The following DCC variants were observed in gnomAD, a reference collection of about 807,000 sequenced individuals.
DCC encodes DCC netrin 1 receptor.
Under a neutral mutation model 172.5 loss-of-function variants are expected in DCC, and 58 were observed. The observed-to-expected ratio is 0.34, with a 90% CI of 0.27 to 0.42. DCC has a LOEUF of 0.42. Ranked by LOEUF, DCC falls within the 10% of genes least tolerant of loss-of-function variation. The pLI is 1.00. For missense variants in DCC, 1,740 were observed against 1,791.0 expected (o/e 0.97, Z 0.51); for synonymous variants, 709 against 644.5 (o/e 1.10, Z -1.52).
intron 27 of DCC, among the ~76,000 whole-genome samples, chr18:53,520,716 A>T (rs183600904): frequency 6.6e-6 from 1 of 152,050 alleles, no homozygotes; most frequent in Non-Finnish European, 1.5e-5. Context: ...ACAACCAGGA[A>T]CATGGTGTCT....
At chr18:52,557,940 C>T (rs565694164) in intron 1 of DCC, among the ~76,000 whole-genome samples, 31 of 152,280 alleles carry the variant, frequency 2.0e-4, no homozygotes, top group Admixed American at 7.8e-4. Context: ...AGATTACAAA[C>T]GTGAGCCACA....
chr18:52,637,480 A>AT (rs551147776), intron 1 of DCC, among the ~76,000 whole-genome samples: 320 of 152,300 alleles, frequency 2.1e-3, no homozygotes, highest in African/African-American at 7.4e-3. Flanking sequence ...AAAATAAAGA[A>AT]TTTAGGAAAC....
intron 1 of DCC, among the ~76,000 whole-genome samples, chr18:52,686,619 A>G (rs1051872383): frequency 1.3e-5 from 2 of 152,156 alleles, no homozygotes; most frequent in African/African-American, 2.4e-5. Flanking sequence ...CATTAGATCC[A>G]CAAATTATTA....
rs372397512 is a variant in DCC, at chr18:52,589,312, C to A, written c.92-162742C>A. Among the ~76,000 whole-genome samples the A allele has an allele frequency of 1.9e-3, 286 of 152,188 alleles. 1 individual carries two copies. Among genetic ancestry groups the A allele is most frequent in the African/African-American group, 6.7e-3 (278 of 41,518 alleles). On this transcript the variant is annotated intron_variant, in intron 1 of 28. Coordinates refer to ENST00000442544, the MANE Select transcript of DCC (RefSeq NM_005215.4). ...GATTCTGCTAAGCAAAAAAGAAATT[C>A]CAGAAATGAAATGGTCACAGAAACT...
intron 5 of DCC, among the ~76,000 whole-genome samples, chr18:52,937,980 G>A (rs1009210703): frequency 1.3e-5 from 2 of 152,136 alleles, no homozygotes; most frequent in Non-Finnish European, 2.9e-5. Context: ...TAGACCCGGT[G>A]AAATAGTCCA....
intron 6 of DCC, among the ~76,000 whole-genome samples, chr18:53,065,232 A>G (rs2042549079): frequency 6.6e-6 from 1 of 152,190 alleles, no homozygotes; most frequent in Non-Finnish European, 1.5e-5. Context: ...AGAATTCCCC[A>G]TGAGGTAATA....
chr18:53,255,000 C>G (rs552116161), intron 12 of DCC, among the ~76,000 whole-genome samples: 2 of 152,070 alleles, frequency 1.3e-5, no homozygotes, highest in South Asian at 2.1e-4. Flanking sequence ...CCCAGTTGTT[C>G]AGGTAACTGC....
chr18:52,510,283 TG>T (rs1410193895), intron 1 of DCC, among the ~76,000 whole-genome samples: 6 of 152,208 alleles, frequency 3.9e-5, no homozygotes, highest in African/African-American at 1.4e-4. Flanking sequence ...TGTCATTCAT[TG>T]GCTAGCACTC....
intron 5 of DCC, among the ~76,000 whole-genome samples, chr18:53,015,801 G>A (rs1290295472): frequency 6.6e-6 from 1 of 152,008 alleles, no homozygotes; most frequent in Non-Finnish European, 1.5e-5. Context: ...TGAATTTTGA[G>A]TAAACTTATG....
chr18:53,339,563 A>G, intron 14 of DCC, 150 bp from the exon 15 acceptor site: 1 of 706,146 alleles, frequency 1.4e-6, no homozygotes, highest in South Asian at 1.6e-5. Context: ...TAGAAAATAT[A>G]TCATATGCTA....
At chr18:53,006,211 C>T (rs1302196599) in intron 5 of DCC, among the ~76,000 whole-genome samples, 1 of 152,248 alleles carries the variant, frequency 6.6e-6, no homozygotes, top group South Asian at 2.1e-4. Flanking sequence ...TGTCTCATGA[C>T]AAACAAATAG....
chr18:53,170,289 C>T (rs2054992170), intron 8 of DCC, among the ~76,000 whole-genome samples: 1 of 152,156 alleles, frequency 6.6e-6, no homozygotes, highest in Non-Finnish European at 1.5e-5. Context: ...CTCAGTGTCC[C>T]TCAGAGAGCA....
chr18:53,051,758 C>G (rs189329750), intron 5 of DCC, among the ~76,000 whole-genome samples: 237 of 152,086 alleles, frequency 1.6e-3, no homozygotes, highest in African/African-American at 5.2e-3. Context: ...AAATAATTTA[C>G]TCTTCATCTT....
At chr18:52,963,231 A>C (rs1020157103) in intron 5 of DCC, among the ~76,000 whole-genome samples, 2 of 151,912 alleles carry the variant, frequency 1.3e-5, no homozygotes, top group African/African-American at 4.8e-5. Flanking sequence ...AAAAATTTTT[A>C]TCTAAAGATC....
At chr18:52,689,985 T>C (rs1040924497) in intron 1 of DCC, among the ~76,000 whole-genome samples, 3 of 152,070 alleles carry the variant, frequency 2.0e-5, no homozygotes, top group Non-Finnish European at 2.9e-5. Flanking sequence ...GAGTGGAAAG[T>C]GTATTAAAGA....
At position 52,839,932 on chromosome 18, in the gene DCC, T is replaced by C. The variant is rs1334766937; in HGVS notation, c.413-66112T>C. ...GCAGATACCTTTAAATAAAACATAGTTCACTTCTTCCCACTACAGGCCAAT... is the reference window on the plus strand; with the variant it reads ...GCAGATACCTTTAAATAAAACATAGCTCACTTCTTCCCACTACAGGCCAAT... On this transcript the variant is annotated intron_variant, in intron 2 of 28. Coordinates refer to ENST00000442544, the MANE Select transcript of DCC (RefSeq NM_005215.4). 2.0e-5 allele frequency among the ~76,000 whole-genome samples: 3 copies of C among 152,234 alleles called. No homozygotes were observed. The East Asian group carries it at 5.8e-4, about 29-fold the overall frequency.
chr18:52,583,844 C>T (rs774989640), intron 1 of DCC, among the ~76,000 whole-genome samples: 2 of 152,188 alleles, frequency 1.3e-5, no homozygotes, highest in Non-Finnish European at 2.9e-5. Flanking sequence ...AAATATAACT[C>T]ACTTTATATA....
intron 1 of DCC, among the ~76,000 whole-genome samples, chr18:52,658,424 T>A (rs972872287): frequency 6.6e-6 from 1 of 152,204 alleles, no homozygotes; most frequent in African/African-American, 2.4e-5. Flanking sequence ...AAACTTTTAA[T>A]CTAAATAACC....
At chr18:53,439,251 A>G (rs1373105534) in intron 22 of DCC, among the ~76,000 whole-genome samples, 2 of 152,226 alleles carry the variant, frequency 1.3e-5, no homozygotes, top group African/African-American at 2.4e-5. Context: ...CAGATTTCTA[A>G]TTAAATTTTT....
Sources: gnomAD v4.1 joint callset for allele counts (sites outside exome capture counted in the v4.1 genomes callset) on GRCh38, gnomAD v4.1.1 for gene constraint, MANE v1.5 for transcripts, NCBI Gene and HGNC (gene_info 2026-07-23, HGNC 2026-07-21) for gene names.